The following MYO1D variants were observed in gnomAD, a reference collection of about 807,000 sequenced individuals.
MYO1D encodes unconventional myosin-Id.
A neutral mutation model predicts 122.0 loss-of-function variants in MYO1D; 83 were observed. The ratio of observed to expected loss-of-function variants is 0.68; its 90% CI spans 0.57 to 0.82. The LOEUF (loss-of-function observed/expected upper bound fraction) is 0.82, where lower values mean the gene tolerates loss of function less well. Ranked by LOEUF, MYO1D falls within the 40% of genes least tolerant of loss-of-function variation. The pLI, the probability that MYO1D is intolerant of heterozygous loss-of-function variation, is 0.00. For synonymous variants in MYO1D, 464 were observed against 446.9 expected (o/e 1.04, Z -0.48); for missense variants, 1,157 against 1,269.5 (o/e 0.91, Z 1.35).
At chr17:32,838,380 G>A (rs2090847203) in intron 1 of MYO1D, among the ~76,000 whole-genome samples, 1 of 152,080 alleles carries the variant, frequency 6.6e-6, no homozygotes, top group African/African-American at 2.4e-5. Context: ...TGTCTTTTCA[G>A]TTCCATCGAT....
chr17:32,745,213 G>A lies in MYO1D; in HGVS notation c.1611C>T (p.Asn537=). The A allele has an allele frequency of 6.8e-7, 1 of 1,477,584 alleles. No individual in the cohort carries two copies. The highest frequency in any genetic ancestry group is 9.4e-7 in the Non-Finnish European group (1 of 1,063,932). The allele number at this position is 1,477,584 out of a possible 1,614,324, so 91.5% of individuals were successfully genotyped here. Residue 537 remains asparagine, a splice_region_variant and synonymous_variant, in exon 13 of 22, where the codon AAC becomes AAT. Coordinates refer to ENST00000318217, the MANE Select transcript of MYO1D (RefSeq NM_015194.3). ...LFQDFKRLMY[N]SSNPVLKNMW... ...AATTAATAAAATTTCAATCTTACCT[G>A]TTATACATAAGGCGCTTGAAATCTT...
At chr17:32,519,453 C>A (rs1322364158) in intron 21 of MYO1D, 2 of 152,420 alleles carry the variant, frequency 1.3e-5, no homozygotes, top group Non-Finnish European at 2.9e-5. Flanking sequence ...GGAATCTGCA[C>A]CCGCCGGGTG....
chr17:32,697,362 G>A (rs1294377935), intron 16 of MYO1D, among the ~76,000 whole-genome samples: 2 of 152,106 alleles, frequency 1.3e-5, no homozygotes, highest in Non-Finnish European at 2.9e-5. Context: ...GGAGTCAATG[G>A]CCACCATTCA....
intron 19 of MYO1D, 142 bp from the exon 20 acceptor site, chr17:32,638,977 T>C (rs1381890114): frequency 1.7e-6 from 1 of 588,262 alleles, no homozygotes; most frequent in Admixed American, 2.8e-5. Flanking sequence ...AAGGAGTAGC[T>C]GTTCCCATAC....
intron 21 of MYO1D, among the ~76,000 whole-genome samples, chr17:32,537,058 T>C (rs957366027): frequency 6.6e-6 from 1 of 152,182 alleles, no homozygotes; most frequent in African/African-American, 2.4e-5. Flanking sequence ...CATCTAAGAG[T>C]GCAACTTCAG....
intron 13 of MYO1D, among the ~76,000 whole-genome samples, chr17:32,741,018 T>C (rs1327239662): frequency 6.6e-6 from 1 of 151,810 alleles, no homozygotes; most frequent in Non-Finnish European, 1.5e-5. Context: ...TGCATACATG[T>C]GTGTATATTA....
chr17:32,660,647 G>A (rs556747741), intron 16 of MYO1D, among the ~76,000 whole-genome samples: 2 of 152,072 alleles, frequency 1.3e-5, no homozygotes, highest in Non-Finnish European at 2.9e-5. Context: ...CATGACACAT[G>A]GGCAATTTGT....
intron 20 of MYO1D, among the ~76,000 whole-genome samples, chr17:32,631,249 A>G (rs2088001680): frequency 6.6e-6 from 1 of 152,226 alleles, no homozygotes; most frequent in African/African-American, 2.4e-5. Flanking sequence ...CAGACCAGAG[A>G]TGTAACTACC....
rs571532988 is a variant in MYO1D, at chr17:32,760,081, G to A, written c.1296+209C>T. On this transcript the variant is annotated intron_variant, in intron 10 of 21. Transcript: ENST00000318217. ...AGGTTTACTGGTTCTAACTCAGGAT[G>A]TTCTGGGCATCAACAAGGCAGTCTA... 5 of 707,210 alleles carry A rather than the reference G, an allele frequency of 7.1e-6. No homozygotes were observed. The Admixed American group carries it at 1.0e-4, about 14-fold the overall frequency. The allele number at this position is 707,210 out of a possible 1,614,324, so 43.8% of individuals were successfully genotyped here. A position where few individuals can be genotyped will look rare whatever the true frequency, so the allele number is the denominator to read the frequency against.
intron 21 of MYO1D, among the ~76,000 whole-genome samples, chr17:32,561,354 C>CTT (rs71144841): frequency 2.7e-5 from 4 of 150,678 alleles, no homozygotes; most frequent in East Asian, 2.0e-4. Flanking sequence ...CAACTCTCTC[C>CTT]TTTTTTTTTA....
At chr17:32,595,183 T>C (rs1472229518) in intron 21 of MYO1D, among the ~76,000 whole-genome samples, 1 of 152,142 alleles carries the variant, frequency 6.6e-6, no homozygotes, top group Non-Finnish European at 1.5e-5. Context: ...TTAACGGATA[T>C]AAAATTACAG....
rs758288613 is a variant in MYO1D, at chr17:32,760,619, A to G, written c.1044T>C (p.Tyr348=). Residue 348 remains tyrosine (Y), a synonymous_variant, in exon 9 of 22, where the codon TAT becomes TAC. Transcript: ENST00000318217. ...TAACGATCCAACAAAAAAGGCGCTCATATATTGCCTGCAAGGAAAATAGCA... is the reference window on the plus strand; with the variant it reads ...TAACGATCCAACAAAAAAGGCGCTCGTATATTGCCTGCAAGGAAAATAGCA... ...YGRDAFAKAI[Y]ERLFCWIVTR... 1 of 1,601,714 alleles carries G rather than the reference A, an allele frequency of 6.2e-7. No individual in the cohort carries two copies. The highest frequency in any genetic ancestry group is 1.3e-5 in the African/African-American group (1 of 74,238).
At chr17:32,787,886 G>A (rs966902629) in intron 1 of MYO1D, among the ~76,000 whole-genome samples, 26 of 152,136 alleles carry the variant, frequency 1.7e-4, no homozygotes, top group Non-Finnish European at 2.9e-4. Flanking sequence ...TTAGAATAAT[G>A]GCCTCCAGCT....
At chr17:32,541,066 T>C (rs1202524073) in intron 21 of MYO1D, among the ~76,000 whole-genome samples, 5 of 152,186 alleles carry the variant, frequency 3.3e-5, no homozygotes, top group Non-Finnish European at 7.3e-5. Flanking sequence ...AGATATGGTT[T>C]ACTATATGAC....
chr17:32,814,009 C>A (rs1041927834), intron 1 of MYO1D, among the ~76,000 whole-genome samples: 4 of 152,198 alleles, frequency 2.6e-5, no homozygotes, highest in Admixed American at 6.5e-5. Flanking sequence ...GGCAGCAACA[C>A]TTTTTAGAAA....
At chr17:32,559,356 A>C (rs1490412273) in intron 21 of MYO1D, among the ~76,000 whole-genome samples, 2 of 152,240 alleles carry the variant, frequency 1.3e-5, no homozygotes, top group Non-Finnish European at 2.9e-5. Context: ...ACACATAATG[A>C]CCTGTAACCT....
At chr17:32,753,301 G>A (rs1422681570) in intron 11 of MYO1D, among the ~76,000 whole-genome samples, 6 of 152,068 alleles carry the variant, frequency 3.9e-5, no homozygotes, top group Admixed American at 3.9e-4. Flanking sequence ...TTCACTATCT[G>A]GGTGATAGGT....
chr17:32,823,164 A>C (rs1473207369), intron 1 of MYO1D, among the ~76,000 whole-genome samples: 3 of 151,992 alleles, frequency 2.0e-5, no homozygotes, highest in African/African-American at 7.3e-5. Flanking sequence ...CAGTATAGGC[A>C]CCCCTTTTCC....
intron 16 of MYO1D, among the ~76,000 whole-genome samples, chr17:32,692,898 C>A (rs1190918806): frequency 6.6e-6 from 1 of 152,172 alleles, no homozygotes; most frequent in African/African-American, 2.4e-5. Context: ...CTCCCTCCAC[C>A]AAAATATGCT....
Sources: gnomAD v4.1 joint callset for allele counts (sites outside exome capture counted in the v4.1 genomes callset) on GRCh38, gnomAD v4.1.1 for gene constraint, MANE v1.5 for transcripts, NCBI Gene and HGNC (gene_info 2026-07-23, HGNC 2026-07-21) for gene names.